Variants in ERG observed in about 807,000 individuals in gnomAD.
ERG encodes the protein ETS transcription factor ERG.
ERG carries 9 observed loss-of-function variants against 55.3 expected under a neutral mutation model. The observed-to-expected ratio is 0.16, with a 90% CI of 0.10 to 0.28. ERG has a LOEUF of 0.28. Among genes scored for constraint, ERG ranks in the 10% least tolerant of loss-of-function variants. The pLI is 1.00. For missense variants in ERG, 434 were observed against 631.6 expected (o/e 0.69, Z 3.35); for synonymous variants, 223 against 237.3 (o/e 0.94, Z 0.55).
At chr21:38,515,885 A>G (rs2059548220) in intron 2 of ERG, among the ~76,000 whole-genome samples, 1 of 152,092 alleles carries the variant, frequency 6.6e-6, no homozygotes. Flanking sequence ...CAAAAACCAT[A>G]TGATCATATC....
chr21:38,590,866 G>A (rs2060096387), intron 1 of ERG, among the ~76,000 whole-genome samples: 2 of 152,256 alleles, frequency 1.3e-5, no homozygotes, highest in African/African-American at 2.4e-5. Flanking sequence ...TGCCTTGCTT[G>A]ATCCTTAATG....
At chr21:38,650,591 C>T (rs1231722728) in intron 1 of ERG, among the ~76,000 whole-genome samples, 1 of 151,360 alleles carries the variant, frequency 6.6e-6, no homozygotes, top group Non-Finnish European at 1.5e-5. Context: ...GAGCCAAGAT[C>T]GCACCACTGC....
chr21:38,410,333 T>C (rs1988986117), intron 3 of ERG, among the ~76,000 whole-genome samples: 1 of 152,216 alleles, frequency 6.6e-6, no homozygotes, highest in African/African-American at 2.4e-5. Flanking sequence ...TCCAATTGTT[T>C]TGAAAACATC....
intron 2 of ERG, among the ~76,000 whole-genome samples, chr21:38,440,288 C>T (rs1345040807): frequency 3.9e-5 from 6 of 152,208 alleles, no homozygotes; most frequent in South Asian, 4.1e-4. Flanking sequence ...GGTAGTGGAG[C>T]GTTGAGGAGC....
intron 2 of ERG, among the ~76,000 whole-genome samples, chr21:38,569,636 A>G (rs2059945011): frequency 6.6e-6 from 1 of 152,192 alleles, no homozygotes; most frequent in Non-Finnish European, 1.5e-5. Flanking sequence ...ACACCTTTGC[A>G]GGTACTCCCT....
At chr21:38,606,524 T>C (rs2060198063) in intron 1 of ERG, among the ~76,000 whole-genome samples, 1 of 152,168 alleles carries the variant, frequency 6.6e-6, no homozygotes, top group Non-Finnish European at 1.5e-5. Flanking sequence ...AAGTAGATTT[T>C]AGTAGATGTA....
At chr21:38,559,383 CTTTT>C (rs574207119) in intron 2 of ERG, among the ~76,000 whole-genome samples, 8 of 92,056 alleles carry the variant, frequency 8.7e-5, no homozygotes, top group African/African-American at 2.9e-4. Flanking sequence ...TCCCATTTCC[CTTTT>C]TTTTTTTTTT....
intron 1 of ERG, among the ~76,000 whole-genome samples, chr21:38,646,064 A>C (rs1478536515): frequency 6.6e-6 from 1 of 152,120 alleles, no homozygotes. Context: ...GGATCACTTG[A>C]GGTCAGGAGT....
chr21:38,438,333 G>A (rs1211008506), intron 2 of ERG, among the ~76,000 whole-genome samples: 1 of 152,150 alleles, frequency 6.6e-6, no homozygotes, highest in African/African-American at 2.4e-5. Context: ...TTCACTGCTA[G>A]AAAGTGAACT....
chr21:38,420,185 G>T (rs1989476659), intron 3 of ERG, among the ~76,000 whole-genome samples: 1 of 152,160 alleles, frequency 6.6e-6, no homozygotes, highest in African/African-American at 2.4e-5. Context: ...GCCTTAGTGA[G>T]GTGCCTGGAT....
chr21:38,583,097 T>G (rs573069882), intron 1 of ERG, among the ~76,000 whole-genome samples: 1 of 152,270 alleles, frequency 6.6e-6, no homozygotes, highest in East Asian at 1.9e-4. Context: ...TTAGTATTCA[T>G]AGGAATGAAT....
intron 1 of ERG, among the ~76,000 whole-genome samples, chr21:38,446,270 A>C (rs929535162): frequency 3.4e-5 from 5 of 145,504 alleles, no homozygotes; most frequent in Admixed American, 2.7e-4. Flanking sequence ...AAGTATCCAG[A>C]TGCTTCCAAA....
At chr21:38,496,158 C>T (rs1409869142) in intron 1 of ERG, among the ~76,000 whole-genome samples, 1 of 152,160 alleles carries the variant, frequency 6.6e-6, no homozygotes, top group East Asian at 1.9e-4. Context: ...GAATATTTAG[C>T]TTTTCATAGT....
At chr21:38,446,587 C>T (rs1373966559) in intron 1 of ERG, among the ~76,000 whole-genome samples, 1 of 152,142 alleles carries the variant, frequency 6.6e-6, no homozygotes, top group East Asian at 1.9e-4. Flanking sequence ...AAAAGAATTC[C>T]ACATGAATGC....
intron 1 of ERG, among the ~76,000 whole-genome samples, chr21:38,632,525 G>C (rs1382054205): frequency 6.6e-6 from 1 of 152,170 alleles, no homozygotes; most frequent in Non-Finnish European, 1.5e-5. Flanking sequence ...TGAATCATGA[G>C]AGCAGGTCTT....
At chr21:38,499,095 G>T (rs1235651168), upstream of ERG, among the ~76,000 whole-genome samples, 1 of 152,164 alleles carries the variant, frequency 6.6e-6, no homozygotes, top group African/African-American at 2.4e-5. Context: ...AAAACGCAAG[G>T]ACTCTAGGCT....
chr21:38,653,301 C>T (rs460112), intron 1 of ERG, among the ~76,000 whole-genome samples: 123,374 of 152,164 alleles, frequency 0.81, 50,392 homozygotes, highest in African/African-American at 0.92. Context: ...CCTTCCACCA[C>T]ACAGTCTGTA....
At chr21:38,392,170 C>T (rs1327327548) in intron 7 of ERG, 2 of 670,560 alleles carry the variant, frequency 3.0e-6, no homozygotes, top group African/African-American at 1.8e-5. Flanking sequence ...TACATCATTC[C>T]TTTATTTTTG....
chr21:38,381,990 G>C lies in ERG; in HGVS notation c.*1413C>G. On this transcript the variant is annotated 3_prime_UTR_variant, in exon 10 of 10. Coordinates refer to ENST00000288319, the MANE Select transcript of ERG (RefSeq NM_182918.4). ...CACATGTTTTCATTAAGCAACTTTA[G>C]TCACTAAAAAAAGTGCAAATGCAGA... 2 of 1,061,194 alleles carry C rather than the reference G, an allele frequency of 1.9e-6. No individual in the cohort carries two copies. The highest frequency in any genetic ancestry group is 2.3e-6 in the Non-Finnish European group (2 of 876,534). The allele number at this position is 1,061,194 out of a possible 1,614,324, so 65.7% of individuals were successfully genotyped here.
Sources: allele counts gnomAD v4.1 joint callset (sites outside exome capture counted in the v4.1 genomes callset), GRCh38; gene constraint gnomAD v4.1.1; transcripts MANE v1.5; gene names NCBI Gene and HGNC (gene_info 2026-07-23, HGNC 2026-07-21).